The following ABI3BP variants were observed in gnomAD, a reference collection of about 807,000 sequenced individuals.
The protein encoded by ABI3BP is ABI family member 3 binding protein.
In ABI3BP, 216 loss-of-function variants were observed where a neutral mutation model predicts 268.6. The ratio of observed to expected loss-of-function variants is 0.80; its 90% CI spans 0.72 to 0.90. The LOEUF is 0.90. Ranked by LOEUF, ABI3BP falls within the 40% of genes least tolerant of loss-of-function variation. The pLI, the probability that ABI3BP is intolerant of heterozygous loss-of-function variation, is 0.00. For synonymous variants in ABI3BP, 730 were observed against 730.0 expected (o/e 1.00, Z 0.00); for missense variants, 2,090 against 2,182.4 (o/e 0.96, Z 0.84).
At chr3:100,755,834 C>G (rs2095586186) in intron 63 of ABI3BP, among the ~76,000 whole-genome samples, 1 of 152,102 alleles carries the variant, frequency 6.6e-6, no homozygotes, top group Admixed American at 6.5e-5. Flanking sequence ...CAGATTTGCT[C>G]AAGGCTTTTG....
chr3:100,894,863 C>T (rs2046516900), intron 4 of ABI3BP, among the ~76,000 whole-genome samples: 1 of 143,286 alleles, frequency 7.0e-6, no homozygotes, highest in African/African-American at 2.6e-5. Context: ...GGCGTGAACC[C>T]GGCAGGCGGA....
At chr3:100,892,444 A>C (rs2045169850) in intron 4 of ABI3BP, among the ~76,000 whole-genome samples, 1 of 152,238 alleles carries the variant, frequency 6.6e-6, no homozygotes, top group South Asian at 2.1e-4. Context: ...TGATGGGAAA[A>C]GTATTCTTTT....
intron 57 of ABI3BP, 151 bp downstream of exon 57, chr3:100,787,577 G>A (rs2097089579): frequency 1.7e-6 from 1 of 588,690 alleles, no homozygotes; most frequent in African/African-American, 1.9e-5. Flanking sequence ...TTTTGATTTT[G>A]GAATGAGTTA....
At chr3:100,908,175 T>C (rs1561531453) in intron 2 of ABI3BP, among the ~76,000 whole-genome samples, 1 of 151,042 alleles carries the variant, frequency 6.6e-6, no homozygotes, top group Non-Finnish European at 1.5e-5. Flanking sequence ...TGCTGAAAAG[T>C]CATTTGAAAG....
intron 32 of ABI3BP, among the ~76,000 whole-genome samples, chr3:100,830,110 C>CATACATACAT (rs2098461012): frequency 4.5e-5 from 2 of 44,764 alleles, no homozygotes; most frequent in Non-Finnish European, 8.6e-5. Context: ...TACATACATA[C>CATACATACAT]ATATATATAT....
chr3:100,935,808 G>C (rs1189361195), intron 1 of ABI3BP, among the ~76,000 whole-genome samples: 1 of 152,074 alleles, frequency 6.6e-6, no homozygotes, highest in Non-Finnish European at 1.5e-5. Flanking sequence ...GGAAGGTTGT[G>C]ATTTTTGCAC....
chr3:100,838,579 C>G, intron 24 of ABI3BP, 115 bp from the exon 25 acceptor site: 1 of 907,248 alleles, frequency 1.1e-6, no homozygotes, highest in Non-Finnish European at 1.7e-6. Flanking sequence ...ATAAACATTT[C>G]TGGGGTGTGG....
At chr3:100,793,143 A>G (rs1353516769) in intron 54 of ABI3BP, among the ~76,000 whole-genome samples, 1 of 151,816 alleles carries the variant, frequency 6.6e-6, no homozygotes, top group African/African-American at 2.4e-5. Context: ...TGTTATTTTG[A>G]TGAGCTGGAA....
chr3:100,846,389 A>T lies in ABI3BP; in HGVS notation c.1706T>A (p.Val569Glu). 1 of 1,600,272 alleles carries T rather than the reference A, an allele frequency of 6.2e-7. No individual in the cohort carries two copies. The highest frequency in any genetic ancestry group is 8.5e-7 in the Non-Finnish European group (1 of 1,172,790). ...GTAATTACCAGGTTTGGTGTGTGTC[A>T]CTTCTGGGCTGAGAGGGATTTTAGG... ...LKPKIPLSPE[V>E]THTKPAPEPQ... The change falls in exon 20 of 68, where the codon GTG (valine) becomes GAG (glutamate). Residue 569 changes from valine to glutamate, a missense_variant. Transcript: ENST00000471714.
At chr3:100,862,417 ATTTTT>A in intron 13 of ABI3BP, 32 bp from the exon 14 acceptor site, 2 of 1,275,586 alleles carry the variant, frequency 1.6e-6, no homozygotes, top group African/African-American at 1.5e-5. Flanking sequence ...TTTGCTGAAG[ATTTTT>A]TTTTTTTTTA....
intron 2 of ABI3BP, among the ~76,000 whole-genome samples, chr3:100,923,960 C>T (rs1036467): frequency 0.1 from 15,704 of 152,106 alleles, 1,091 homozygotes; most frequent in Non-Finnish European, 0.15. Context: ...CATTATGCAC[C>T]TCTTTTTGTG....
At chr3:100,934,605 TAA>T (rs1299190806) in intron 1 of ABI3BP, among the ~76,000 whole-genome samples, 1 of 152,194 alleles carries the variant, frequency 6.6e-6, no homozygotes, top group African/African-American at 2.4e-5. Flanking sequence ...ACCAACAGTG[TAA>T]AAGTGTTCCT....
At chr3:100,792,995 C>T (rs1022242136) in intron 54 of ABI3BP, among the ~76,000 whole-genome samples, 2 of 151,592 alleles carry the variant, frequency 1.3e-5, no homozygotes, top group Non-Finnish European at 2.9e-5. Context: ...TAAGGATTTC[C>T]AAAAGCTTTT....
intron 11 of ABI3BP, 57 bp downstream of exon 11, chr3:100,864,776 G>T: frequency 7.6e-7 from 1 of 1,314,656 alleles, no homozygotes; most frequent in Non-Finnish European, 1.1e-6. Context: ...TGAGTCCTGG[G>T]AGTTATTTCG....
intron 6 of ABI3BP, among the ~76,000 whole-genome samples, chr3:100,876,922 A>AG (rs2099166930): frequency 6.6e-6 from 1 of 152,078 alleles, no homozygotes; most frequent in African/African-American, 2.4e-5. Flanking sequence ...TGGGAGGCGG[A>AG]GGTTGCAGTA....
chr3:100,827,140 C>T (rs1362130109), intron 34 of ABI3BP, among the ~76,000 whole-genome samples: 3 of 152,116 alleles, frequency 2.0e-5, no homozygotes, highest in Non-Finnish European at 1.5e-5. Context: ...TAACACTTAA[C>T]ATTTATATTC....
At chr3:100,866,826 GA>G in intron 10 of ABI3BP, 52 bp downstream of exon 10, 2 of 1,506,918 alleles carry the variant, frequency 1.3e-6, no homozygotes, top group South Asian at 1.2e-5. Context: ...ATTAGTATTT[GA>G]AAAAAAGCAT....
At chr3:100,921,515 TA>T (rs146034359) in intron 2 of ABI3BP, among the ~76,000 whole-genome samples, 294 of 141,340 alleles carry the variant, frequency 2.1e-3, no homozygotes, top group Middle Eastern at 3.6e-3. Context: ...ATGATGTGAG[TA>T]AAAAAAAAAA....
intron 1 of ABI3BP, among the ~76,000 whole-genome samples, chr3:100,954,074 C>A (rs934067771): frequency 6.6e-6 from 1 of 152,142 alleles, no homozygotes; most frequent in African/African-American, 2.4e-5. Context: ...GACCTCTAGG[C>A]ATTATATTTC....
Sources: allele counts gnomAD v4.1 joint callset (sites outside exome capture counted in the v4.1 genomes callset), GRCh38; gene constraint gnomAD v4.1.1; transcripts MANE v1.5; gene names NCBI Gene and HGNC (gene_info 2026-07-23, HGNC 2026-07-21).